Variants in ANK2 observed in about 807,000 individuals in gnomAD.
ANK2 encodes ankyrin-2.
ANK2 carries 83 observed loss-of-function variants against 360.5 expected under a neutral mutation model. The ratio of observed to expected loss-of-function variants is 0.23; its 90% confidence interval spans 0.19 to 0.28. The LOEUF (loss-of-function observed/expected upper bound fraction) is 0.28, where lower values mean the gene tolerates loss of function less well. ANK2 is among the 10% of genes least tolerant of loss of function. The pLI, the probability that ANK2 is intolerant of heterozygous loss-of-function variation, is 1.00. For synonymous variants in ANK2, 1,740 were observed against 1,759.5 expected, an observed-to-expected ratio of 0.99 and a Z score of 0.28; for missense variants, 4,201 against 4,795.7, an observed-to-expected ratio of 0.88 and a Z score of 3.66.
chr4:112,722,979 G>GA, the ANK2 span, among the ~76,000 whole-genome samples: 118 of 149,846 alleles, frequency 7.9e-4, no homozygotes, highest in African/African-American at 2.3e-3. Context: ...AAAAGGAAAA[G>GA]AAAAAAAAAG....
intron 1 of ANK2, among the ~76,000 whole-genome samples, chr4:112,896,943 A>G (rs796161290): frequency 3.3e-5 from 5 of 152,238 alleles, no homozygotes; most frequent in African/African-American, 9.6e-5. Context: ...AGATACGCCA[A>G]TAAAGTGAAG....
intron 2 of ANK2, among the ~76,000 whole-genome samples, chr4:112,994,406 G>C (rs968746110): frequency 7.2e-5 from 11 of 152,158 alleles, no homozygotes; most frequent in African/African-American, 2.4e-4. Context: ...AAAAAGAAAA[G>C]TAATGTGATC....
chr4:113,041,745 T>C (rs2063008104), intron 2 of ANK2, among the ~76,000 whole-genome samples: 1 of 152,128 alleles, frequency 6.6e-6, no homozygotes, highest in Non-Finnish European at 1.5e-5. Context: ...CAAACGTTTA[T>C]TTCTCATAGG....
chr4:113,054,697 C>G (rs1166686770), intron 1 of ANK2, among the ~76,000 whole-genome samples: 1 of 152,018 alleles, frequency 6.6e-6, no homozygotes, highest in South Asian at 2.1e-4. Context: ...CAACTTATAA[C>G]CCAAAATAGC....
At chr4:113,335,806 C>T (rs2153957151) in intron 29 of ANK2, 40 bp from the exon 30 acceptor site, 1 of 1,581,000 alleles carries the variant, frequency 6.3e-7, no homozygotes, top group Non-Finnish European at 8.7e-7. Flanking sequence ...AGAAGGAAAT[C>T]TTTGCTATGT....
chr4:113,215,408 A>G (rs1389414760), intron 4 of ANK2, among the ~76,000 whole-genome samples: 1 of 152,206 alleles, frequency 6.6e-6, no homozygotes, highest in African/African-American at 2.4e-5. Context: ...CCACTTTTCT[A>G]ATCATTAGAT....
chr4:113,305,339 C>CAA (rs10667489), intron 23 of ANK2, among the ~76,000 whole-genome samples: 3,728 of 96,928 alleles, frequency 0.038, 215 homozygotes, highest in Middle Eastern at 0.047. Flanking sequence ...GACTCCGTCT[C>CAA]AAAAAAAAAA....
intron 39 of ANK2, among the ~76,000 whole-genome samples, chr4:113,361,099 G>A (rs373310204): frequency 4.6e-5 from 7 of 152,260 alleles, no homozygotes; most frequent in African/African-American, 1.4e-4. Context: ...CTGAAATTTA[G>A]AATAATAGAA....
At chr4:113,031,210 A>G (rs2060329600) in intron 2 of ANK2, 1 of 152,104 alleles carries the variant, frequency 6.6e-6, no homozygotes, top group African/African-American at 2.4e-5. Flanking sequence ...TGGAGGGAAG[A>G]GCTATACAAC....
At chr4:112,763,147 G>A in the ANK2 span, among the ~76,000 whole-genome samples, 5 of 151,962 alleles carry the variant, frequency 3.3e-5, no homozygotes, top group Non-Finnish European at 7.4e-5. Context: ...CAGCCTTGAC[G>A]CCCCCAGGCT....
chr4:113,211,263 T>C (rs1422290287), intron 4 of ANK2, among the ~76,000 whole-genome samples: 1 of 152,194 alleles, frequency 6.6e-6, no homozygotes, highest in Non-Finnish European at 1.5e-5. Context: ...TTGTGCATCA[T>C]TCTTGTTCAT....
chr4:112,916,591 G>A (rs1052531763), intron 2 of ANK2, among the ~76,000 whole-genome samples: 1 of 152,120 alleles, frequency 6.6e-6, no homozygotes, highest in African/African-American at 2.4e-5. Context: ...ATGTTACTGC[G>A]AGTAAAAGTG....
intron 35 of ANK2, 93 bp downstream of exon 35, chr4:113,346,115 A>T (rs1312093150): frequency 5.4e-6 from 8 of 1,471,704 alleles, no homozygotes; most frequent in Non-Finnish European, 9.5e-7. Context: ...TGGCAAAAAC[A>T]GCAATTGCTT....
rs1209317369 is a variant in ANK2, at chr4:113,369,641, A to G, written c.11446A>G (p.Thr3816Ala). 6.2e-7 allele frequency: 1 copy of G among 1,613,956 alleles called. No individual in the cohort carries two copies. Among genetic ancestry groups the G allele is most frequent in the East Asian group, 2.2e-5 (1 of 44,872 alleles). Residue 3816 changes from threonine to alanine, a missense_variant, in exon 43 of 46, where the codon ACA (threonine) becomes GCA (alanine). Coordinates refer to ENST00000357077, the MANE Select transcript of ANK2 (RefSeq NM_001148.6). ...EEEKLYLQTP[T>A]SSERGGSPII... The stretch of plus-strand genomic sequence containing the variant: ...GGAGAAGCTGTACCTCCAGACCCCA[A>G]CATCCAGCGAGCGGGGAGGCTCTCC...
chr4:112,725,505 T>G, the ANK2 span, among the ~76,000 whole-genome samples: 1 of 150,850 alleles, frequency 6.6e-6, no homozygotes, highest in Non-Finnish European at 1.5e-5. Flanking sequence ...GGACTACAGA[T>G]GCGAGTCACC....
the ANK2 span, among the ~76,000 whole-genome samples, chr4:112,741,412 C>G: frequency 1.3e-5 from 2 of 152,170 alleles, no homozygotes; most frequent in African/African-American, 4.8e-5. Context: ...GCCATCCTGA[C>G]AAAGCAAAGC....
intron 1 of ANK2, among the ~76,000 whole-genome samples, chr4:112,850,281 TATC>T (rs1384228073): frequency 6.7e-6 from 1 of 149,278 alleles, no homozygotes; most frequent in South Asian, 2.1e-4. Flanking sequence ...TCTATCTATC[TATC>T]TATCTATCTA....
At chr4:112,923,947 T>C (rs1463487605) in intron 2 of ANK2, among the ~76,000 whole-genome samples, 4 of 152,332 alleles carry the variant, frequency 2.6e-5, no homozygotes, top group South Asian at 4.1e-4. Flanking sequence ...ACTTGGAAGA[T>C]AATTCTATAA....
At chr4:113,318,468 T>G in intron 25 of ANK2, 49 bp from the exon 26 acceptor site, 1 of 1,459,578 alleles carries the variant, frequency 6.9e-7, no homozygotes, top group Non-Finnish European at 9.5e-7. Context: ...ATATTTTACT[T>G]TAATTGAAGC....
Sources: gnomAD v4.1 joint callset for allele counts (sites outside exome capture counted in the v4.1 genomes callset) on GRCh38, gnomAD v4.1.1 for gene constraint, MANE v1.5 for transcripts, NCBI Gene and HGNC (gene_info 2026-07-23, HGNC 2026-07-21) for gene names.